The following TRPC7 variants were observed in gnomAD, a reference collection of about 807,000 sequenced individuals.
TRPC7 encodes the protein short transient receptor potential channel 7.
Under a neutral mutation model 90.1 loss-of-function variants are expected in TRPC7, and 42 were observed. The observed-to-expected ratio is 0.47, with a 90% CI of 0.36 to 0.60. The LOEUF is 0.60. Among genes scored for constraint, TRPC7 ranks in the 20% least tolerant of loss-of-function variants. The pLI is 0.00. For missense variants in TRPC7, 955 were observed against 1,112.3 expected (o/e 0.86, Z 2.01); for synonymous variants, 451 against 436.3 (o/e 1.03, Z -0.42).
chr5:136,268,315 A>C lies in TRPC7; in HGVS notation c.1129-1879T>G, dbSNP rs145845960. Among the ~76,000 whole-genome samples, 916 of 150,402 alleles carry C rather than the reference A, an allele frequency of 6.1e-3. 9 individuals are homozygous for C. The highest frequency in any genetic ancestry group is 0.021 in the African/African-American group (849 of 39,914). On this transcript the variant is annotated intron_variant, in intron 4 of 11. Transcript: ENST00000513104. ...TGGGAGATGGAGAATGACTGCAGGG[A>C]GGAGAATAGATGAGGAGAGGGGAGA... is the stretch of plus-strand genomic sequence containing the variant.
At chr5:136,324,759 A>T (rs930059918) in intron 2 of TRPC7, among the ~76,000 whole-genome samples, 9 of 152,248 alleles carry the variant, frequency 5.9e-5, no homozygotes, top group African/African-American at 2.2e-4. Flanking sequence ...GACAAACTTA[A>T]ATTAGAAGAG....
At chr5:136,359,729 GTTTCAGGAGATGTA>G (rs768530272) in intron 1 of TRPC7, among the ~76,000 whole-genome samples, 4 of 151,868 alleles carry the variant, frequency 2.6e-5, no homozygotes, top group Non-Finnish European at 5.9e-5. Flanking sequence ...AAGAGGCTTT[GTTTCAGGAGATGTA>G]ATGAACTCAG....
chr5:136,301,360 T>TTTTTTC (rs1561709111), intron 3 of TRPC7, among the ~76,000 whole-genome samples: 1 of 70,084 alleles, frequency 1.4e-5, no homozygotes, highest in Admixed American at 1.3e-4. Flanking sequence ...TTTTTTTTTT[T>TTTTTTC]AACAAATCAT....
Position 136,251,743 on chromosome 5 carries a change from C to T in TRPC7, c.1485G>A (p.Lys495=), listed in dbSNP as rs758447132. ...CCACGTACAGCTGTGCCTCCGTGGC[C>T]TTCAGGAAGGCCATGAAGCGTGCTG... ...SFTARFMAFL[K]ATEAQLYVDQ... Residue 495 remains lysine (K), a synonymous_variant, in exon 6 of 12, where the codon AAG becomes AAA. Coordinates refer to ENST00000513104, the MANE Select transcript of TRPC7 (RefSeq NM_020389.3). The T allele has an allele frequency of 2.0e-5, 32 of 1,613,828 alleles. No homozygotes were observed. Among genetic ancestry groups the T allele is most frequent in the Non-Finnish European group, 2.5e-5 (29 of 1,179,892 alleles).
chr5:136,251,615 C>A lies in TRPC7; in HGVS notation c.1579+34G>T, dbSNP rs750689744. 1.1e-5 allele frequency: 17 copies of A among 1,538,712 alleles called. No homozygotes were observed. In the South Asian group the frequency reaches 1.4e-4, roughly 13 times the overall value. On this transcript the variant is annotated intron_variant, in intron 6 of 11. Transcript: ENST00000513104. ...CACCAGGCCCACGTCCCGGAAGCGC[C>A]AAAATGGAGTAGGGGAAGCACTCTC...
chr5:136,213,746 G>T, intron 11 of TRPC7, 142 bp from the exon 12 acceptor site: 1 of 816,738 alleles, frequency 1.2e-6, no homozygotes, highest in Non-Finnish European at 1.9e-6. Context: ...AGGCAAGGGG[G>T]GCTCTATTTG....
intron 7 of TRPC7, among the ~76,000 whole-genome samples, chr5:136,235,094 G>A (rs1392952136): frequency 3.9e-5 from 6 of 152,102 alleles, no homozygotes; most frequent in Non-Finnish European, 8.8e-5. Flanking sequence ...TGAGAGATTT[G>A]GCCACACAAA....
intron 10 of TRPC7, among the ~76,000 whole-genome samples, chr5:136,224,166 A>T (rs1161118406): frequency 6.6e-6 from 1 of 152,198 alleles, no homozygotes; most frequent in African/African-American, 2.4e-5. Context: ...AATGCTCAGG[A>T]CAGCTTAAAA....
intron 8 of TRPC7, among the ~76,000 whole-genome samples, chr5:136,227,020 C>T (rs1461135156): frequency 6.6e-6 from 1 of 152,170 alleles, no homozygotes; most frequent in East Asian, 1.9e-4. Flanking sequence ...TCTTATTGGT[C>T]AGAGTGCTGC....
Position 136,315,795 on chromosome 5 carries a change from G to C in TRPC7, c.781-16C>G. On this transcript the variant is annotated splice_polypyrimidine_tract_variant and intron_variant, in intron 2 of 11. Transcript: ENST00000513104. ...TGTAATCGTTCTAACAGAATAGAGA[G>C]AAATCAGCGGTATGTCACATGGAGG... is the stretch of plus-strand genomic sequence containing the variant. 1 of 1,609,308 alleles carries C rather than the reference G, an allele frequency of 6.2e-7. No individual in the cohort carries two copies. The highest frequency in any genetic ancestry group is 8.5e-7 in the Non-Finnish European group (1 of 1,176,464).
intron 3 of TRPC7, among the ~76,000 whole-genome samples, chr5:136,300,345 A>T (rs1219207892): frequency 6.6e-6 from 1 of 152,162 alleles, no homozygotes; most frequent in Non-Finnish European, 1.5e-5. Context: ...ACTCAGGCTC[A>T]TGTGTGGTGG....
At chr5:136,226,570 C>A in intron 8 of TRPC7, 1 of 360,314 alleles carries the variant, frequency 2.8e-6, no homozygotes, top group Non-Finnish European at 5.0e-6. Context: ...ACTTTTCTCA[C>A]TGCCACTTAA....
chr5:136,339,931 G>C (rs1759789833), intron 2 of TRPC7, among the ~76,000 whole-genome samples: 2 of 151,586 alleles, frequency 1.3e-5, no homozygotes, highest in African/African-American at 4.8e-5. Flanking sequence ...TAAAAATAAA[G>C]CCATAGAAAT....
chr5:136,290,715 C>T (rs932731835), intron 3 of TRPC7, among the ~76,000 whole-genome samples: 4 of 152,152 alleles, frequency 2.6e-5, no homozygotes, highest in African/African-American at 9.6e-5. Context: ...GGAAAACACT[C>T]TGCAGGATAT....
intron 3 of TRPC7, among the ~76,000 whole-genome samples, chr5:136,294,387 T>A (rs1758079581): frequency 6.6e-6 from 1 of 152,116 alleles, no homozygotes; most frequent in African/African-American, 2.4e-5. Flanking sequence ...TGCAACCTAC[T>A]CATCTGACAA....
chr5:136,276,440 T>A (rs1159524116), intron 3 of TRPC7, among the ~76,000 whole-genome samples: 1 of 152,224 alleles, frequency 6.6e-6, no homozygotes, highest in Non-Finnish European at 1.5e-5. Flanking sequence ...TCCTGGGAAA[T>A]GTGAAACATT....
intron 5 of TRPC7, among the ~76,000 whole-genome samples, chr5:136,256,080 G>T (rs575393235): frequency 4.8e-4 from 73 of 152,172 alleles, no homozygotes; most frequent in Non-Finnish European, 9.6e-4. Flanking sequence ...AGAATCACCA[G>T]CTGGTCAGTG....
intron 2 of TRPC7, among the ~76,000 whole-genome samples, chr5:136,352,982 T>C (rs1760248450): frequency 6.6e-6 from 1 of 152,246 alleles, no homozygotes; most frequent in African/African-American, 2.4e-5. Context: ...GTTGAAATGA[T>C]TATTGTTTTA....
Position 136,365,542 on chromosome 5 carries a change from G to A in TRPC7, c.-288C>T. 1 of 541,808 alleles carries A rather than the reference G, an allele frequency of 1.8e-6. No homozygotes were observed. Among genetic ancestry groups the A allele is most frequent in the Non-Finnish European group, 3.3e-6 (1 of 303,848 alleles). The allele number at this position is 541,808 out of a possible 1,614,324, so 33.6% of individuals were successfully genotyped here. A position where few individuals can be genotyped will look rare whatever the true frequency, so the allele number is the denominator to read the frequency against. On this transcript the variant is annotated 5_prime_UTR_variant, in exon 1 of 12. Coordinates refer to ENST00000513104, the MANE Select transcript of TRPC7 (RefSeq NM_020389.3). ...ACATGACGGAGAAGCATCTGTGTGA[G>A]AGTGGCATGCGGCGTGGTGATGGGT...
Sources: gnomAD v4.1 joint callset for allele counts (sites outside exome capture counted in the v4.1 genomes callset) on GRCh38, gnomAD v4.1.1 for gene constraint, MANE v1.5 for transcripts, NCBI Gene and HGNC (gene_info 2026-07-23, HGNC 2026-07-21) for gene names.